AKAIN1: variants seen among roughly 807,000 people sequenced by gnomAD.
The protein encoded by AKAIN1 is A-kinase anchor inhibitor 1.
A neutral mutation model predicts 3.7 loss-of-function variants in AKAIN1; 3 were observed. The ratio of observed to expected loss-of-function variants is 0.82; its 90% CI spans 0.37 to 2.12. The LOEUF (loss-of-function observed/expected upper bound fraction) is 2.12. Ranked by LOEUF, AKAIN1 falls within the 30% of genes most tolerant of loss-of-function variation. The pLI, the probability that AKAIN1 is intolerant of heterozygous loss-of-function variation, is 0.06. For missense variants in AKAIN1, 82 were observed against 82.7 expected, an observed-to-expected ratio of 0.99 and a Z score of 0.03; for synonymous variants, 31 against 30.8, an observed-to-expected ratio of 1.01 and a Z score of -0.02.
chr18:5,183,762 G>A (rs2071272086), intron 1 of AKAIN1, among the ~76,000 whole-genome samples: 1 of 152,068 alleles, frequency 6.6e-6, no homozygotes, highest in South Asian at 2.1e-4. Flanking sequence ...AGTTTCCCAT[G>A]AGCCTCTATC....
chr18:5,185,472 T>G (rs553861803), intron 1 of AKAIN1, among the ~76,000 whole-genome samples: 48 of 152,208 alleles, frequency 3.2e-4, no homozygotes, highest in African/African-American at 1.1e-3. Flanking sequence ...ATATCCAGAA[T>G]CTACAAGGAA....
intron 1 of AKAIN1, among the ~76,000 whole-genome samples, chr18:5,153,302 G>T (rs1044321986): frequency 6.7e-6 from 1 of 150,354 alleles, no homozygotes; most frequent in Non-Finnish European, 1.5e-5. Context: ...GAGTTATTTT[G>T]GCCAAGAAAA....
Position 5,143,346 on chromosome 18 carries a change from C to T in AKAIN1, c.*2216G>A, listed in dbSNP as rs1415420390. 6.6e-6 allele frequency among the ~76,000 whole-genome samples: 1 copy of T among 152,184 alleles called. No individual in the cohort carries two copies. Among genetic ancestry groups the T allele is most frequent in the African/African-American group, 2.4e-5 (1 of 41,448 alleles). ...AGGCATTGCTGAACCTCCTTTTGTCCTCCCAACAACTTAGTCATATCTCTG... is the reference window on the plus strand; with the variant it reads ...AGGCATTGCTGAACCTCCTTTTGTCTTCCCAACAACTTAGTCATATCTCTG... On this transcript the variant is annotated 3_prime_UTR_variant, in exon 2 of 2. Coordinates refer to ENST00000434239, the MANE Select transcript of AKAIN1 (RefSeq NM_001145194.2).
chr18:5,147,861 G>A (rs2071058123), intron 1 of AKAIN1, among the ~76,000 whole-genome samples: 1 of 152,188 alleles, frequency 6.6e-6, no homozygotes, highest in South Asian at 2.1e-4. Context: ...GCTGTGAAGT[G>A]ACCAAGAAGA....
At chr18:5,193,457 T>C (rs994543163) in intron 1 of AKAIN1, among the ~76,000 whole-genome samples, 4 of 152,200 alleles carry the variant, frequency 2.6e-5, no homozygotes, top group African/African-American at 9.7e-5. Context: ...AGGTAACTTC[T>C]GCCCTCACTT....
At chr18:5,165,597 A>G (rs755383143) in intron 1 of AKAIN1, among the ~76,000 whole-genome samples, 6 of 152,024 alleles carry the variant, frequency 3.9e-5, no homozygotes, top group Non-Finnish European at 7.4e-5. Flanking sequence ...AAATCAGATG[A>G]TAGAGAGCTT....
At chr18:5,174,428 A>T (rs998089497) in intron 1 of AKAIN1, among the ~76,000 whole-genome samples, 2 of 152,106 alleles carry the variant, frequency 1.3e-5, no homozygotes, top group African/African-American at 4.8e-5. Context: ...TGTATAAAGC[A>T]CTGAGGGGGC....
rs537530147 is a variant in AKAIN1 at position 5,171,191 on chromosome 18, C to T, written c.17-25436G>A. 2.6e-5 allele frequency among the ~76,000 whole-genome samples: 4 copies of T among 152,228 alleles called. No homozygotes were observed. In the South Asian group the frequency reaches 8.3e-4, roughly 32 times the overall value. On this transcript the variant is annotated intron_variant, in intron 1 of 1. Transcript: ENST00000434239. The stretch of plus-strand genomic sequence containing the variant: ...CATTTTACACATGAGGAAACTGAGA[C>T]AAAGAAAGTCCACAGGCTGAACTCT...
intron 1 of AKAIN1, among the ~76,000 whole-genome samples, chr18:5,148,218 G>C (rs1252750166): frequency 2.6e-5 from 4 of 152,190 alleles, no homozygotes; most frequent in Non-Finnish European, 5.9e-5. Context: ...GAAATTCATT[G>C]CTCTCTCGTG....
chr18:5,168,970 AG>A (rs1337293875), intron 1 of AKAIN1, among the ~76,000 whole-genome samples: 1 of 152,106 alleles, frequency 6.6e-6, no homozygotes, highest in Non-Finnish European at 1.5e-5. Flanking sequence ...CCAGGAAAGC[AG>A]AATCAATACA....
At chr18:5,160,963 A>G (rs74396457) in intron 1 of AKAIN1, among the ~76,000 whole-genome samples, 4,291 of 152,236 alleles carry the variant, frequency 0.028, 109 homozygotes, top group East Asian at 0.12. Context: ...TATAAGCCTT[A>G]ACATCTGGAA....
intron 1 of AKAIN1, among the ~76,000 whole-genome samples, chr18:5,176,481 A>G (rs2071227455): frequency 1.3e-5 from 2 of 152,092 alleles, no homozygotes; most frequent in Admixed American, 1.3e-4. Flanking sequence ...TGGTAAATAA[A>G]GACTGACAGA....
chr18:5,194,387 ATTTAAGCTGTATTC>A (rs1213848651), intron 1 of AKAIN1, among the ~76,000 whole-genome samples: 1 of 152,178 alleles, frequency 6.6e-6, no homozygotes, highest in Non-Finnish European at 1.5e-5. Flanking sequence ...ACCCTGTCCA[ATTTAAGCTGTATTC>A]TTTACAATCT....
rs531566762 is a variant in AKAIN1, at chr18:5,179,379, C to T, written c.16+17659G>A. ...ATGTTGCCACAAAAGACATGATTTC[C>T]TTCATTTTTATGGCTGAGTATATGT... On this transcript the variant is annotated intron_variant, in intron 1 of 1. Coordinates refer to ENST00000434239, the MANE Select transcript of AKAIN1 (RefSeq NM_001145194.2). 6.0e-4 allele frequency among the ~76,000 whole-genome samples: 91 copies of T among 151,604 alleles called. No homozygotes were observed. The South Asian group carries it at 0.017, about 28-fold the overall frequency.
intron 1 of AKAIN1, among the ~76,000 whole-genome samples, chr18:5,191,579 A>C (rs541833655): frequency 5.3e-5 from 8 of 152,248 alleles, no homozygotes; most frequent in African/African-American, 1.9e-4. Context: ...TGATCCATAG[A>C]TTTCAGGAAA....
chr18:5,170,707 A>G (rs2071192491), intron 1 of AKAIN1: 1 of 152,132 alleles, frequency 6.6e-6, no homozygotes, highest in South Asian at 2.1e-4. Context: ...GAGTGTCTTT[A>G]ACCTCCCCTT....
chr18:5,145,835 A>T (rs2071046211), intron 1 of AKAIN1, 80 bp from the exon 2 acceptor site: 33 of 1,243,044 alleles, frequency 2.7e-5, no homozygotes, highest in Non-Finnish European at 3.7e-5. Flanking sequence ...GAGGAGAAAG[A>T]TGGGAGGGAA....
intron 1 of AKAIN1, among the ~76,000 whole-genome samples, chr18:5,187,666 A>G (rs2071295253): frequency 6.6e-6 from 1 of 152,076 alleles, no homozygotes; most frequent in Admixed American, 6.5e-5. Flanking sequence ...CCCCCCTCTT[A>G]ATGTGGTTGT....
chr18:5,193,985 G>A (rs1234866211), intron 1 of AKAIN1, among the ~76,000 whole-genome samples: 2 of 152,058 alleles, frequency 1.3e-5, no homozygotes, highest in African/African-American at 4.8e-5. Flanking sequence ...AGTTTATGGG[G>A]GTGGGAGGAG....
Sources: allele counts gnomAD v4.1 joint callset (sites outside exome capture counted in the v4.1 genomes callset), GRCh38; gene constraint gnomAD v4.1.1; transcripts MANE v1.5; gene names NCBI Gene and HGNC (gene_info 2026-07-23, HGNC 2026-07-21).